LRMDA: variants seen among roughly 807,000 people sequenced by gnomAD.
LRMDA encodes leucine rich melanocyte differentiation associated, also known as leucine-rich melanocyte differentiation-associated protein.
A neutral mutation model predicts 29.8 loss-of-function variants in LRMDA; 18 were observed. That is an observed-to-expected ratio of 0.60 (90% CI 0.42 to 0.90). The LOEUF (loss-of-function observed/expected upper bound fraction) is 0.90. LRMDA is among the 40% of genes least tolerant of loss of function. The pLI, the probability that LRMDA is intolerant of heterozygous loss-of-function variation, is 0.00. For missense variants in LRMDA, 273 were observed against 273.9 expected (o/e 1.00, Z 0.02); for synonymous variants, 125 against 109.4 (o/e 1.14, Z -0.89).
intron 2 of LRMDA, among the ~76,000 whole-genome samples, chr10:75,795,963 C>G (rs1048293871): frequency 2.6e-5 from 4 of 152,012 alleles, no homozygotes; most frequent in African/African-American, 9.7e-5. Context: ...GTTTCTGATG[C>G]TATTATAAAT....
intron 5 of LRMDA, among the ~76,000 whole-genome samples, chr10:76,228,045 C>T (rs536597073): frequency 4.1e-5 from 6 of 146,306 alleles, no homozygotes; most frequent in Admixed American, 3.4e-4. Flanking sequence ...TTTTTTTAGA[C>T]AGAGTCTCGC....
intron 5 of LRMDA, among the ~76,000 whole-genome samples, chr10:76,094,378 G>A (rs1052296187): frequency 6.6e-6 from 1 of 152,054 alleles, no homozygotes; most frequent in African/African-American, 2.4e-5. Context: ...CCGTATATGT[G>A]AAAGATATAT....
chr10:76,197,023 A>G (rs1185985188), intron 5 of LRMDA, among the ~76,000 whole-genome samples: 1 of 152,180 alleles, frequency 6.6e-6, no homozygotes, highest in Non-Finnish European at 1.5e-5. Flanking sequence ...TCCTGAAGCC[A>G]TGTGGAGTTT....
chr10:76,416,220 T>G (rs1842012787), intron 6 of LRMDA, among the ~76,000 whole-genome samples: 1 of 152,204 alleles, frequency 6.6e-6, no homozygotes, highest in Admixed American at 6.5e-5. Context: ...GAAAGATTTG[T>G]GACTCTCTGA....
chr10:76,140,407 A>G (rs1446298497), intron 5 of LRMDA, among the ~76,000 whole-genome samples: 2 of 152,088 alleles, frequency 1.3e-5, no homozygotes, highest in African/African-American at 4.8e-5. Context: ...CCTACCCAGT[A>G]TATGTCTCCC....
intron 2 of LRMDA, among the ~76,000 whole-genome samples, chr10:75,574,945 G>T (rs1303139355): frequency 6.6e-6 from 1 of 152,200 alleles, no homozygotes; most frequent in Non-Finnish European, 1.5e-5. Flanking sequence ...TGTTCTGCAG[G>T]CTGTAGAGGA....
At chr10:75,801,851 G>A (rs1001583338) in intron 2 of LRMDA, among the ~76,000 whole-genome samples, 1 of 152,208 alleles carries the variant, frequency 6.6e-6, no homozygotes, top group Admixed American at 6.5e-5. Flanking sequence ...CCAGTTAGGA[G>A]GCAGTTATGA....
intron 5 of LRMDA, among the ~76,000 whole-genome samples, chr10:76,101,934 A>C (rs1245602274): frequency 6.6e-6 from 1 of 152,152 alleles, no homozygotes; most frequent in African/African-American, 2.4e-5. Flanking sequence ...GGGAATAACA[A>C]TCTGCATTTT....
intron 2 of LRMDA, among the ~76,000 whole-genome samples, chr10:75,855,549 G>A (rs554790385): frequency 5.9e-5 from 9 of 152,246 alleles, no homozygotes; most frequent in South Asian, 2.1e-4. Flanking sequence ...CTTTTGCTGC[G>A]CAGAAGCTCT....
intron 2 of LRMDA, among the ~76,000 whole-genome samples, chr10:75,739,846 A>G (rs1842808441): frequency 6.6e-6 from 1 of 152,228 alleles, no homozygotes; most frequent in African/African-American, 2.4e-5. Flanking sequence ...TGATACATAA[A>G]GATTTACCAC....
At chr10:75,758,558 G>A (rs893197151) in intron 2 of LRMDA, among the ~76,000 whole-genome samples, 5 of 152,298 alleles carry the variant, frequency 3.3e-5, no homozygotes, top group East Asian at 1.9e-4. Context: ...GGCTGGGTCC[G>A]CCAAATGGAG....
chr10:76,427,525 G>T (rs961114497), intron 6 of LRMDA, among the ~76,000 whole-genome samples: 1 of 152,160 alleles, frequency 6.6e-6, no homozygotes, highest in Admixed American at 6.5e-5. Context: ...GGGTTTTCTA[G>T]ATATACAATG....
intron 2 of LRMDA, among the ~76,000 whole-genome samples, chr10:75,479,501 TGTCTA>T (rs1844833706): frequency 2.7e-5 from 2 of 73,240 alleles, no homozygotes; most frequent in African/African-American, 8.7e-5. Flanking sequence ...AGTGAGACTC[TGTCTA>T]AAAAAAAAAA....
At chr10:76,094,398 G>A (rs1407684710) in intron 5 of LRMDA, among the ~76,000 whole-genome samples, 1 of 152,028 alleles carries the variant, frequency 6.6e-6, no homozygotes, top group Non-Finnish European at 1.5e-5. Flanking sequence ...TATTTATGAA[G>A]TATAAATAGG....
chr10:76,186,922 T>C (rs1320190905), intron 5 of LRMDA, among the ~76,000 whole-genome samples: 2 of 152,236 alleles, frequency 1.3e-5, no homozygotes, highest in South Asian at 4.1e-4. Context: ...GCAATAATTC[T>C]TATACTGGTA....
chr10:76,326,005 G>T (rs577138305), intron 6 of LRMDA, among the ~76,000 whole-genome samples: 17 of 152,302 alleles, frequency 1.1e-4, no homozygotes, highest in East Asian at 3.9e-4. Context: ...TAACATCAAT[G>T]AGAGAAATGT....
Position 75,924,437 on chromosome 10 carries a change from T to G in LRMDA, c.132-111571T>G, listed in dbSNP as rs74463355. The stretch of plus-strand genomic sequence containing the variant: ...ATATCAGCAGAAAGTGCTTTTAAAG[T>G]TAAAACTGATGGATGGCTTGTCAAA... On this transcript the variant is annotated intron_variant, in intron 2 of 6. Coordinates refer to ENST00000611255, the MANE Select transcript of LRMDA (RefSeq NM_001305581.2). 2.3e-3 allele frequency among the ~76,000 whole-genome samples: 356 copies of G among 152,180 alleles called. 6 individuals are homozygous for G. The East Asian group carries it at 0.055, about 23-fold the overall frequency.
At chr10:75,693,535 C>T (rs1842196599) in intron 2 of LRMDA, among the ~76,000 whole-genome samples, 2 of 152,188 alleles carry the variant, frequency 1.3e-5, no homozygotes, top group African/African-American at 4.8e-5. Flanking sequence ...AAACTACAAA[C>T]TGAATCCGCA....
intron 2 of LRMDA, among the ~76,000 whole-genome samples, chr10:75,869,724 C>T (rs561544334): frequency 1.6e-4 from 25 of 152,232 alleles, no homozygotes; most frequent in Non-Finnish European, 2.5e-4. Flanking sequence ...TTAGGTTCTC[C>T]GTAATCTGGT....
Sources: allele counts gnomAD v4.1 joint callset (sites outside exome capture counted in the v4.1 genomes callset), GRCh38; gene constraint gnomAD v4.1.1; transcripts MANE v1.5; gene names NCBI Gene and HGNC (gene_info 2026-07-23, HGNC 2026-07-21).